The following EPB41L4B variants were observed in gnomAD, a reference collection of about 807,000 sequenced individuals.
EPB41L4B encodes the protein band 4.1-like protein 4B.
A neutral mutation model predicts 112.5 loss-of-function variants in EPB41L4B; 30 were observed. The ratio of observed to expected loss-of-function variants is 0.27; its 90% CI spans 0.20 to 0.36. The LOEUF is 0.36. Ranked by LOEUF, EPB41L4B falls within the 10% of genes least tolerant of loss-of-function variation. EPB41L4B has a pLI of 1.00. For synonymous variants in EPB41L4B, 408 were observed against 439.7 expected (o/e 0.93, Z 0.90); for missense variants, 1,024 against 1,133.3 (o/e 0.90, Z 1.38).
chr9:109,276,628 C>G (rs1430121692), intron 2 of EPB41L4B, among the ~76,000 whole-genome samples: 1 of 152,172 alleles, frequency 6.6e-6, no homozygotes, highest in Non-Finnish European at 1.5e-5. Flanking sequence ...GGTGTCTGGC[C>G]TGGGAAAGCC....
At chr9:109,261,745 T>C (rs1024153608) in intron 6 of EPB41L4B, among the ~76,000 whole-genome samples, 1 of 152,204 alleles carries the variant, frequency 6.6e-6, no homozygotes, top group Non-Finnish European at 1.5e-5. Context: ...CTTCCTTCCT[T>C]ATGCTTGTCT....
rs534923556 is a variant in EPB41L4B at position 109,307,015 on chromosome 9, G to GTTT, written c.306+13123_306+13125dup. 6.3e-4 allele frequency among the ~76,000 whole-genome samples: 78 copies of GTTT among 124,490 alleles called. 2 individuals carry two copies. Among genetic ancestry groups the GTTT allele is most frequent in the Admixed American group, 6.7e-4 (8 of 11,970 alleles). 81.7% of individuals were successfully genotyped at this position (124,490 alleles called of 152,430 possible). A position where few individuals can be genotyped will look rare whatever the true frequency, so the allele number is the denominator to read the frequency against. On this transcript the variant is annotated intron_variant, in intron 1 of 25. Coordinates refer to ENST00000374566, the MANE Select transcript of EPB41L4B (RefSeq NM_019114.5). ...TACAGACACTAGATGTGCTGCAGTT[G>GTTT]TTTTTTTTTTTTTTTTTTTCTTCAA...
intron 15 of EPB41L4B, among the ~76,000 whole-genome samples, chr9:109,224,556 G>A (rs529695877): frequency 6.6e-6 from 1 of 152,180 alleles, no homozygotes; most frequent in African/African-American, 2.4e-5. Context: ...TGGACGGGGG[G>A]AAGGGGGAGT....
At chr9:109,317,690 T>C (rs1837684070) in intron 1 of EPB41L4B, among the ~76,000 whole-genome samples, 1 of 152,204 alleles carries the variant, frequency 6.6e-6, no homozygotes. Flanking sequence ...AGGAGACATT[T>C]AGCCTGGCAA....
rs1353934221 is a variant in EPB41L4B, at chr9:109,279,891, G to C, written c.337C>G (p.Gln113Glu). 8 of 1,613,762 alleles carry C rather than the reference G, an allele frequency of 5.0e-6. No homozygotes were observed. Among genetic ancestry groups the C allele is most frequent in the Non-Finnish European group, 6.8e-6 (8 of 1,179,952 alleles). The change falls in exon 2 of 26, where the codon CAG becomes GAG. Residue 113 changes from glutamine to glutamate, a missense_variant. Coordinates refer to ENST00000374566, the MANE Select transcript of EPB41L4B (RefSeq NM_019114.5). ...KHAKGQDLFD[Q>E]IVYHLDLVET... The stretch of plus-strand genomic sequence containing the variant: ...ACAAGGTCCAAGTGGTACACAATCT[G>C]ATCAAACAAATCCTGGCCTTTGGCA...
intron 1 of EPB41L4B, among the ~76,000 whole-genome samples, chr9:109,305,724 A>C (rs1368366153): frequency 1.2e-4 from 18 of 152,114 alleles, no homozygotes; most frequent in Admixed American, 1.2e-3. Context: ...GGAGTTCAAG[A>C]CCAGCCTGGT....
chr9:109,185,021 A>T (rs1490679805), intron 23 of EPB41L4B, among the ~76,000 whole-genome samples: 2 of 152,220 alleles, frequency 1.3e-5, no homozygotes, highest in Admixed American at 1.3e-4. Flanking sequence ...ATAGAAGGAA[A>T]TATGTAAAAA....
chr9:109,302,160 A>G (rs1012091313), intron 1 of EPB41L4B, among the ~76,000 whole-genome samples: 1 of 152,208 alleles, frequency 6.6e-6, no homozygotes, highest in African/African-American at 2.4e-5. Flanking sequence ...ACATATTCTT[A>G]CCCAAGTGGT....
intron 20 of EPB41L4B, among the ~76,000 whole-genome samples, chr9:109,195,355 G>C (rs968759248): frequency 1.3e-5 from 2 of 152,238 alleles, no homozygotes; most frequent in Non-Finnish European, 1.5e-5. Flanking sequence ...GTGAGACAAA[G>C]CTGCAGTGCG....
chr9:109,248,383 G>A (rs915879841), intron 13 of EPB41L4B, among the ~76,000 whole-genome samples: 1 of 152,334 alleles, frequency 6.6e-6, no homozygotes, highest in Admixed American at 6.5e-5. Flanking sequence ...ACACGACAAG[G>A]CTATGAGGTC....
rs766381724 is a variant in EPB41L4B, at chr9:109,194,387, C to T, written c.2056G>A (p.Asp686Asn). ...LTRQYSFDED[D>N]LPPDLAEAVG... ...GCCTCGGCCAGGTCTGGAGGGAGGT[C>T]GTCTTCATCACTGCGGTTACTAAAA... The change falls in exon 21 of 26, where the codon GAC becomes AAC. Residue 686 changes from aspartate to asparagine, a missense_variant. Asp to Asn is a conservative substitution (Grantham distance 23). Coordinates refer to ENST00000374566, the MANE Select transcript of EPB41L4B (RefSeq NM_019114.5). 2.5e-6 allele frequency: 4 copies of T among 1,613,842 alleles called. No individual in the cohort carries two copies. Among genetic ancestry groups the T allele is most frequent in the Non-Finnish European group, 3.4e-6 (4 of 1,179,892 alleles).
intron 1 of EPB41L4B, among the ~76,000 whole-genome samples, chr9:109,316,627 A>G (rs1463379972): frequency 6.6e-6 from 1 of 152,190 alleles, no homozygotes; most frequent in East Asian, 1.9e-4. Context: ...GGGTTTCTGA[A>G]GAGGACTGGC....
intron 21 of EPB41L4B, among the ~76,000 whole-genome samples, 164 bp from the exon 22 acceptor site, chr9:109,192,519 G>A (rs1228089698): frequency 6.6e-6 from 1 of 152,176 alleles, no homozygotes; most frequent in Non-Finnish European, 1.5e-5. Flanking sequence ...AAAATGTTGA[G>A]ACTTGAACCC....
In EPB41L4B at chr9:109,213,733, T is replaced by C. The variant is rs570144578; in HGVS notation, c.1719A>G (p.Gly573=). The C allele has an allele frequency of 2.5e-6, 4 of 1,614,018 alleles. No homozygotes were observed. The South Asian group carries it at 4.4e-5, about 18-fold the overall frequency. Residue 573 remains glycine, a synonymous_variant, in exon 17 of 26, where the codon GGA becomes GGG. Coordinates refer to ENST00000374566, the MANE Select transcript of EPB41L4B (RefSeq NM_019114.5). ...KLELETVKAA[G]PWPPLHININ... is the part of the protein sequence containing the mutation. The stretch of plus-strand genomic sequence containing the variant: ...TGTTGATGTGCAGAGGAGGCCAGGG[T>C]CCAGCAGCCTTCACAGTTTCCAGTT...
Position 109,288,888 on chromosome 9 carries a change from G to A in EPB41L4B, c.307-8967C>T, listed in dbSNP as rs1429247359. Among the ~76,000 whole-genome samples the A allele has an allele frequency of 1.3e-5, 2 of 149,450 alleles. 1 individual carries two copies. Among genetic ancestry groups the A allele is most frequent in the African/African-American group, 5.0e-5 (2 of 39,960 alleles). ...CACTCTAGCCTGGATAACACAGCAA[G>A]ACCTTGTCAAAAAAAAGGAAAGGAA... On this transcript the variant is annotated intron_variant, in intron 1 of 25. Transcript: ENST00000374566.
intron 17 of EPB41L4B, among the ~76,000 whole-genome samples, chr9:109,208,255 G>A (rs1318257915): frequency 6.6e-6 from 1 of 152,186 alleles, no homozygotes; most frequent in Non-Finnish European, 1.5e-5. Context: ...AATAGGGTGA[G>A]GACCTACCAG....
chr9:109,203,617 T>C (rs759020730), intron 19 of EPB41L4B, 46 bp downstream of exon 19: 1 of 1,425,640 alleles, frequency 7.0e-7, no homozygotes, highest in African/African-American at 1.4e-5. Flanking sequence ...ATAATGTTGA[T>C]GATACAGAGA....
chr9:109,241,901 A>G, intron 15 of EPB41L4B: 1 of 1,305,098 alleles, frequency 7.7e-7, no homozygotes, highest in Non-Finnish European at 1.1e-6. Flanking sequence ...GAAATGGGGC[A>G]GGGGGAACCA....
chr9:109,258,109 G>C lies in EPB41L4B; in HGVS notation c.752+68C>G, dbSNP rs976362826. 6.6e-6 allele frequency: 10 copies of C among 1,518,948 alleles called. No homozygotes were observed. In the East Asian group the frequency reaches 2.1e-4, roughly 31 times the overall value. 94.1% of individuals were successfully genotyped at this position (1,518,948 alleles called of 1,614,324 possible). ...AGAACAATTCTACTGGTAGATAAAGGAGTGTGATCAACACTTATTTATGAC... is the reference window on the plus strand; with the variant it reads ...AGAACAATTCTACTGGTAGATAAAGCAGTGTGATCAACACTTATTTATGAC... On this transcript the variant is annotated intron_variant, in intron 7 of 25. Coordinates refer to ENST00000374566, the MANE Select transcript of EPB41L4B (RefSeq NM_019114.5).
Sources: allele counts gnomAD v4.1 joint callset (sites outside exome capture counted in the v4.1 genomes callset), GRCh38; gene constraint gnomAD v4.1.1; transcripts MANE v1.5; gene names NCBI Gene and HGNC (gene_info 2026-07-23, HGNC 2026-07-21).